COPS4: variants seen among roughly 807,000 people sequenced by gnomAD.
The protein encoded by COPS4 is COP9 signalosome complex subunit 4.
In COPS4, 8 loss-of-function variants were observed where a neutral mutation model predicts 55.1. That is an observed-to-expected ratio of 0.15 (90% CI 0.09 to 0.26). The LOEUF (loss-of-function observed/expected upper bound fraction) is 0.26. Ranked by LOEUF, COPS4 falls within the 10% of genes least tolerant of loss-of-function variation. COPS4 has a pLI of 1.00. For synonymous variants in COPS4, 185 were observed against 165.7 expected, an observed-to-expected ratio of 1.12 and a Z score of -0.90; for missense variants, 248 against 484.0, an observed-to-expected ratio of 0.51 and a Z score of 4.58.
intron 9 of COPS4, among the ~76,000 whole-genome samples, chr4:83,071,577 G>A (rs981254775): frequency 1.3e-5 from 2 of 152,024 alleles, no homozygotes; most frequent in East Asian, 1.9e-4. Flanking sequence ...TGTACACACC[G>A]CACCTGGCTA....
chr4:83,046,561 G>T lies in COPS4; in HGVS notation c.154+856G>T, dbSNP rs200876444. On this transcript the variant is annotated intron_variant, in intron 2 of 9. Coordinates refer to ENST00000264389, the MANE Select transcript of COPS4 (RefSeq NM_016129.3). ...TATGTGTGAATCAATAAATTGGATA[G>T]AAATATGTGCCACATATACACCATA... Among the ~76,000 whole-genome samples the T allele has an allele frequency of 2.0e-3, 300 of 151,652 alleles. 10 individuals are homozygous for T. In the East Asian group the frequency reaches 0.04, roughly 20 times the overall value.
intron 1 of COPS4, among the ~76,000 whole-genome samples, chr4:83,042,517 A>T (rs944995984): frequency 1.7e-4 from 25 of 145,504 alleles, no homozygotes; most frequent in African/African-American, 4.8e-4. Context: ...TAATTAATTA[A>T]TTTTTTTTTT....
chr4:83,043,431 ATTGT>A (rs1730615758), intron 1 of COPS4, among the ~76,000 whole-genome samples: 1 of 135,686 alleles, frequency 7.4e-6, no homozygotes, highest in Admixed American at 8.2e-5. Context: ...AAGCAGGAGG[ATTGT>A]TTGAGCCCAG....
intron 6 of COPS4, 37 bp downstream of exon 6, chr4:83,057,445 A>G: frequency 1.3e-6 from 2 of 1,500,676 alleles, no homozygotes; most frequent in Non-Finnish European, 1.8e-6. Context: ...ATGAACAGTT[A>G]TCTTTGCTTA....
chr4:83,060,903 A>G (rs1328437071), intron 6 of COPS4, among the ~76,000 whole-genome samples: 2 of 151,642 alleles, frequency 1.3e-5, no homozygotes, highest in Admixed American at 6.6e-5. Context: ...GCGTCGTGGC[A>G]TGTGCCTGTA....
intron 6 of COPS4, among the ~76,000 whole-genome samples, chr4:83,060,252 C>T (rs566128724): frequency 6.7e-6 from 1 of 148,908 alleles, no homozygotes; most frequent in Non-Finnish European, 1.5e-5. Context: ...GGCACTATCT[C>T]GGCTCACTGC....
chr4:83,065,210 A>G, intron 7 of COPS4: 1 of 450,594 alleles, frequency 2.2e-6, no homozygotes, highest in Non-Finnish European at 3.9e-6. Flanking sequence ...AGATATTTAT[A>G]AAATTACTGG....
At position 83,067,509 on chromosome 4, in the gene COPS4, T is replaced by A. The variant is rs144277856; in HGVS notation, c.1003-929T>A. ...AAAGTGCTGGGATTACAAGTGTGAG[T>A]CACCACGCCCAGCCCTTTTTTTTTT... On this transcript the variant is annotated intron_variant, in intron 8 of 9. Transcript: ENST00000264389. 2.7e-3 allele frequency among the ~76,000 whole-genome samples: 397 copies of A among 146,794 alleles called. 2 individuals carry two copies. The highest frequency in any genetic ancestry group is 9.6e-3 in the African/African-American group (380 of 39,484).
At chr4:83,041,182 CCT>C (rs1730559446) in intron 1 of COPS4, among the ~76,000 whole-genome samples, 2 of 151,692 alleles carry the variant, frequency 1.3e-5, no homozygotes, top group Non-Finnish European at 1.5e-5. Context: ...TCTGGCTCAG[CCT>C]CCTGAGTAGC....
At chr4:83,069,499 A>G (rs1444651294) in intron 9 of COPS4, among the ~76,000 whole-genome samples, 1 of 152,172 alleles carries the variant, frequency 6.6e-6, no homozygotes, top group Non-Finnish European at 1.5e-5. Context: ...TCGAGGTCAC[A>G]GGTCCTCAGC....
At chr4:83,051,157 G>A (rs1272799460) in intron 4 of COPS4, among the ~76,000 whole-genome samples, 1 of 99,590 alleles carries the variant, frequency 1.0e-5, no homozygotes, top group Non-Finnish European at 2.0e-5. Flanking sequence ...CTAGCTACTT[G>A]GGAGGCTGAG....
Position 83,075,511 on chromosome 4 carries a change from C to T in COPS4, c.*81C>T. The T allele has an allele frequency of 6.6e-7, 1 of 1,506,294 alleles. No individual in the cohort carries two copies. The highest frequency in any genetic ancestry group is 1.2e-5 in the South Asian group (1 of 84,326). The allele number at this position is 1,506,294 out of a possible 1,614,324, so 93.3% of individuals were successfully genotyped here. ...TTCACTATCTCCAAAGCATTTGCAT[C>T]ATGACCTTATACATTTCAATCCCTT... On this transcript the variant is annotated 3_prime_UTR_variant, in exon 10 of 10. Coordinates refer to ENST00000264389, the MANE Select transcript of COPS4 (RefSeq NM_016129.3).
intron 4 of COPS4, among the ~76,000 whole-genome samples, chr4:83,055,676 C>T (rs1439955181): frequency 3.9e-5 from 6 of 152,040 alleles, no homozygotes; most frequent in Non-Finnish European, 8.8e-5. Flanking sequence ...CTCCTGACCT[C>T]GTGATCTGCC....
chr4:83,053,168 G>A (rs571878411), intron 4 of COPS4, among the ~76,000 whole-genome samples: 1 of 152,220 alleles, frequency 6.6e-6, no homozygotes, highest in South Asian at 2.1e-4. Flanking sequence ...TGTGAGCCCA[G>A]AAATTTGAGC....
chr4:83,064,307 G>A (rs567947249), intron 7 of COPS4, among the ~76,000 whole-genome samples: 2 of 152,022 alleles, frequency 1.3e-5, no homozygotes, highest in South Asian at 2.1e-4. Flanking sequence ...ACTGCACTGC[G>A]GTTTCAGTGA....
chr4:83,062,178 A>G (rs911088984), intron 6 of COPS4, among the ~76,000 whole-genome samples: 30 of 152,240 alleles, frequency 2.0e-4, no homozygotes, highest in African/African-American at 7.2e-4. Context: ...AACTGTGAAT[A>G]TTAAGTCTCC....
intron 6 of COPS4, among the ~76,000 whole-genome samples, chr4:83,060,756 C>G (rs796447758): frequency 1.3e-4 from 20 of 151,556 alleles, no homozygotes; most frequent in African/African-American, 4.8e-4. Context: ...TGCTTGAGGC[C>G]AGGCACGGTG....
At chr4:83,049,128 G>T (rs1730793757) in intron 2 of COPS4, 38 bp from the exon 3 acceptor site, 1 of 1,558,704 alleles carries the variant, frequency 6.4e-7, no homozygotes, top group South Asian at 1.2e-5. Flanking sequence ...CAATTTATCA[G>T]CTCATGTTTT....
intron 1 of COPS4, among the ~76,000 whole-genome samples, chr4:83,036,633 C>T (rs1421003128): frequency 6.6e-6 from 1 of 152,164 alleles, no homozygotes; most frequent in Non-Finnish European, 1.5e-5. Context: ...TCACGTAGAA[C>T]AGTACCTGAC....
Sources: allele counts gnomAD v4.1 joint callset (sites outside exome capture counted in the v4.1 genomes callset), GRCh38; gene constraint gnomAD v4.1.1; transcripts MANE v1.5; gene names NCBI Gene and HGNC (gene_info 2026-07-23, HGNC 2026-07-21).